ARHGAP6: variants seen among roughly 807,000 people sequenced by gnomAD.
The protein encoded by ARHGAP6 is rho GTPase-activating protein 6.
A neutral mutation model predicts 55.7 loss-of-function variants in ARHGAP6; 16 were observed. The observed-to-expected ratio is 0.29, with a 90% CI of 0.19 to 0.44. ARHGAP6 has a LOEUF of 0.44. ARHGAP6 is among the 20% of genes least tolerant of loss of function. The probability of loss-of-function intolerance (pLI) is 1.00; values close to 1 mark genes in which losing one functional copy is unlikely to be tolerated. For missense variants in ARHGAP6, 698 were observed against 808.9 expected (o/e 0.86, Z 1.66); for synonymous variants, 382 against 360.9 (o/e 1.06, Z -0.66).
At chrX:11,607,551 G>A (rs747091277) in intron 1 of ARHGAP6, among the ~76,000 whole-genome samples, 4 of 112,304 alleles carry the variant, frequency 3.6e-5, no homozygotes, top group Non-Finnish European at 7.5e-5. Flanking sequence ...GAGTTACTCA[G>A]AGGAAAAATT....
rs189963158 is a variant in ARHGAP6, at chrX:11,229,053, T to C, written c.748+25495A>G. ...TAGTTTTAGGTTTGGCCTCTGTGGA[T>C]CTGTATCCGTTCCAAAACTGTAGAA... On this transcript the variant is annotated intron_variant, in intron 2 of 12. Transcript: ENST00000337414. Among the ~76,000 whole-genome samples, 5 of 112,365 alleles carry C rather than the reference T, an allele frequency of 4.4e-5. No individual in the cohort carries two copies. In the East Asian group the frequency reaches 1.4e-3, roughly 31 times the overall value.
intron 9 of ARHGAP6, among the ~76,000 whole-genome samples, chrX:11,159,633 T>A (rs2045913544): frequency 9.0e-6 from 1 of 110,860 alleles, no homozygotes; most frequent in African/African-American, 3.3e-5. Context: ...GTGGTTTTGA[T>A]ATGATAATGT....
rs186689752 is a variant in ARHGAP6, at chrX:11,343,988, G to A, written c.589-89281C>T. The stretch of plus-strand genomic sequence containing the variant: ...GATAAACTAAAAAGTCATTGTAAAT[G>A]TTGTTTTGAAGAACAACCTAATTAA... On this transcript the variant is annotated intron_variant, in intron 1 of 12. Coordinates refer to ENST00000337414, the MANE Select transcript of ARHGAP6 (RefSeq NM_013427.3). Among the ~76,000 whole-genome samples the A allele has an allele frequency of 2.7e-5, 3 of 111,890 alleles. No individual in the cohort carries two copies. In the Admixed American group the frequency reaches 2.8e-4, roughly 11 times the overall value.
chrX:11,280,745 C>CAAAAAAAAAAA (rs59290872), intron 1 of ARHGAP6, among the ~76,000 whole-genome samples: 2 of 53,039 alleles, frequency 3.8e-5, no homozygotes, highest in African/African-American at 1.4e-4. Context: ...GACCTTGTCT[C>CAAAAAAAAAAA]AAAAAAAAAA....
chrX:11,357,522 T>C (rs184842973), intron 1 of ARHGAP6, among the ~76,000 whole-genome samples: 9 of 111,958 alleles, frequency 8.0e-5, no homozygotes, highest in African/African-American at 2.6e-4. Context: ...CATGGCTTTA[T>C]TGTTCTCCAA....
intron 1 of ARHGAP6, among the ~76,000 whole-genome samples, chrX:11,262,317 A>G (rs776473308): frequency 5.3e-5 from 6 of 112,206 alleles, no homozygotes; most frequent in Admixed American, 9.5e-5. Flanking sequence ...ATATGTCTCT[A>G]TGTTTAGAAA....
At chrX:11,209,950 G>A (rs1341034748) in intron 2 of ARHGAP6, among the ~76,000 whole-genome samples, 1 of 112,216 alleles carries the variant, frequency 8.9e-6, no homozygotes, top group Admixed American at 9.5e-5. Flanking sequence ...AAATCTCTCA[G>A]TACCTCTTAG....
At chrX:11,394,786 C>G (rs2043410518) in intron 1 of ARHGAP6, among the ~76,000 whole-genome samples, 1 of 101,812 alleles carries the variant, frequency 9.8e-6, no homozygotes, top group Non-Finnish European at 2.0e-5. Context: ...AATATAGAAA[C>G]AGCCCACTGA....
At chrX:11,632,495 TC>T (rs1219471712) in intron 1 of ARHGAP6, among the ~76,000 whole-genome samples, 1 of 112,370 alleles carries the variant, frequency 8.9e-6, no homozygotes, top group Non-Finnish European at 1.9e-5. Context: ...TTTGCAAAGC[TC>T]CAATTTGATT....
chrX:11,210,283 C>T (rs889366919), intron 2 of ARHGAP6, among the ~76,000 whole-genome samples: 4 of 112,748 alleles, frequency 3.5e-5, no homozygotes, highest in African/African-American at 1.3e-4. Context: ...CACTGTAGTA[C>T]ATCCATCAGT....
intron 1 of ARHGAP6, among the ~76,000 whole-genome samples, chrX:11,319,736 G>A (rs187711204): frequency 8.9e-6 from 1 of 112,261 alleles, no homozygotes; most frequent in Non-Finnish European, 1.9e-5. Flanking sequence ...CCTCCCAGGA[G>A]AATACTTAAA....
intron 8 of ARHGAP6, among the ~76,000 whole-genome samples, chrX:11,176,273 ATTTATATATTTATATG>A (rs2147324839): frequency 3.0e-5 from 2 of 67,588 alleles, no homozygotes; most frequent in Admixed American, 2.2e-4. Context: ...ATTTGCATAT[ATTTATATATTTATATG>A]TATTTGCATG....
intron 11 of ARHGAP6, chrX:11,143,656 T>C (rs1300929338): frequency 2.0e-6 from 2 of 1,004,294 alleles, no homozygotes; most frequent in African/African-American, 4.0e-5. Context: ...CCAAATCCAG[T>C]ATACATAAAG....
intron 3 of ARHGAP6, among the ~76,000 whole-genome samples, chrX:11,190,549 G>C (rs1374343490): frequency 2.0e-5 from 2 of 100,738 alleles, no homozygotes; most frequent in Non-Finnish European, 4.1e-5. Flanking sequence ...ATATAATCTT[G>C]TCTGTAGAAA....
chrX:11,547,089 G>C (rs765664204), intron 1 of ARHGAP6, among the ~76,000 whole-genome samples: 1 of 112,016 alleles, frequency 8.9e-6, no homozygotes, highest in Non-Finnish European at 1.9e-5. Context: ...ATAGTTTATG[G>C]CTCCATATGA....
Position 11,139,424 on chromosome X carries a change from T to C in ARHGAP6, c.2364A>G (p.Ala788=). 8.4e-7 allele frequency: 1 copy of C among 1,187,726 alleles called. No individual in the cohort carries two copies. Among genetic ancestry groups the C allele is most frequent in the Non-Finnish European group, 1.1e-6 (1 of 885,860 alleles). ...PNWPRWQGSP[A]ELDSDTQGAR... ...CCCCCTGCGTGTCGCTGTCCAGCTC[T>C]GCGGGGCTCCCCTGCCACCGAGGCC... Residue 788 remains alanine, a synonymous_variant, in exon 13 of 13, where the codon GCA becomes GCG. Transcript: ENST00000337414.
At chrX:11,336,965 A>C (rs1306657306) in intron 1 of ARHGAP6, among the ~76,000 whole-genome samples, 1 of 111,067 alleles carries the variant, frequency 9.0e-6, no homozygotes. Context: ...ACACCGGGTC[A>C]GTTTACTTCA....
intron 1 of ARHGAP6, among the ~76,000 whole-genome samples, chrX:11,646,835 G>A (rs546158936): frequency 1.8e-5 from 2 of 112,206 alleles, no homozygotes; most frequent in African/African-American, 6.5e-5. Context: ...ATGAATATCT[G>A]ATTTAATCTA....
intron 1 of ARHGAP6, among the ~76,000 whole-genome samples, chrX:11,362,607 T>C (rs1014866046): frequency 1.8e-5 from 2 of 109,750 alleles, no homozygotes; most frequent in African/African-American, 6.7e-5. Context: ...TATACATATG[T>C]AACTAACCTG....
Sources: gnomAD v4.1 joint callset for allele counts (sites outside exome capture counted in the v4.1 genomes callset) on GRCh38, gnomAD v4.1.1 for gene constraint, MANE v1.5 for transcripts, NCBI Gene and HGNC (gene_info 2026-07-23, HGNC 2026-07-21) for gene names.